SH3PXD2A: variants seen among roughly 807,000 people sequenced by gnomAD.
The protein encoded by SH3PXD2A is SH3 and PX domains 2A, also known as SH3 and PX domain-containing protein 2A.
Under a neutral mutation model 115.2 loss-of-function variants are expected in SH3PXD2A, and 32 were observed. The observed-to-expected ratio is 0.28, with a 90% CI of 0.21 to 0.37. The LOEUF is 0.37. SH3PXD2A is among the 10% of genes least tolerant of loss of function. The pLI, the probability that SH3PXD2A is intolerant of heterozygous loss-of-function variation, is 1.00. For synonymous variants in SH3PXD2A, 610 were observed against 629.1 expected (o/e 0.97, Z 0.45); for missense variants, 1,328 against 1,498.7 (o/e 0.89, Z 1.88).
intron 4 of SH3PXD2A, among the ~76,000 whole-genome samples, chr10:103,730,891 A>G (rs901432634): frequency 1.3e-5 from 2 of 152,178 alleles, no homozygotes; most frequent in Admixed American, 1.3e-4. Context: ...GGCAGGAGTG[A>G]TCAGCTTTTC....
chr10:103,849,331 A>G (rs1842876770), intron 1 of SH3PXD2A, among the ~76,000 whole-genome samples: 1 of 152,246 alleles, frequency 6.6e-6, no homozygotes, highest in Admixed American at 6.5e-5. Context: ...AAAAACACCT[A>G]CCTAACCGCA....
At chr10:103,672,121 C>T (rs1000975290) in intron 6 of SH3PXD2A, among the ~76,000 whole-genome samples, 2 of 152,178 alleles carry the variant, frequency 1.3e-5, no homozygotes, top group African/African-American at 4.8e-5. Context: ...TCCGTCTCTA[C>T]TGAAAATACA....
At chr10:103,795,829 C>T (rs1236502881) in intron 2 of SH3PXD2A, among the ~76,000 whole-genome samples, 1 of 147,786 alleles carries the variant, frequency 6.8e-6, no homozygotes, top group Non-Finnish European at 1.5e-5. Flanking sequence ...ATGTACAAGG[C>T]AGACACTTAA....
intron 5 of SH3PXD2A, among the ~76,000 whole-genome samples, chr10:103,716,560 A>G (rs2038107203): frequency 6.6e-6 from 1 of 152,228 alleles, no homozygotes; most frequent in Non-Finnish European, 1.5e-5. Context: ...AGCCGAAGGG[A>G]TAAGCCCAGG....
chr10:103,680,396 G>A (rs950747687), intron 6 of SH3PXD2A, among the ~76,000 whole-genome samples: 15 of 151,958 alleles, frequency 9.9e-5, no homozygotes, highest in Non-Finnish European at 1.8e-4. Context: ...ATCCTTCTTT[G>A]CCCTCCCGAG....
rs964358531 is a variant in SH3PXD2A at position 103,628,285 on chromosome 10, G to A, written c.605-1083C>T. Among the ~76,000 whole-genome samples the A allele has an allele frequency of 4.6e-5, 7 of 152,144 alleles. No homozygotes were observed. The East Asian group carries it at 5.8e-4, about 13-fold the overall frequency. ...CCAGGTCTTCAACTAGGTCCCCACC[G>A]CCCCACATGACAGGTCTGGGCTTGC... On this transcript the variant is annotated intron_variant, in intron 8 of 14. Transcript: ENST00000369774.
intron 13 of SH3PXD2A, among the ~76,000 whole-genome samples, chr10:103,606,432 TAAA>T (rs533450822): frequency 2.5e-4 from 2 of 8,152 alleles, no homozygotes; most frequent in East Asian, 4.3e-3. Flanking sequence ...AAGAATTTGC[TAAA>T]AAAAAAAAAA....
chr10:103,821,902 T>G (rs1227032676), intron 1 of SH3PXD2A, among the ~76,000 whole-genome samples: 1 of 80,426 alleles, frequency 1.2e-5, no homozygotes, highest in Non-Finnish European at 2.6e-5. Flanking sequence ...TCATCCTTCT[T>G]CTTTTTCTTT....
At chr10:103,819,704 G>A (rs551508790) in intron 1 of SH3PXD2A, among the ~76,000 whole-genome samples, 6 of 152,234 alleles carry the variant, frequency 3.9e-5, no homozygotes, top group African/African-American at 1.4e-4. Context: ...AGGGCTGAAG[G>A]AGGAATAGAT....
chr10:103,645,133 T>C (rs977316627), intron 8 of SH3PXD2A, among the ~76,000 whole-genome samples: 1 of 152,172 alleles, frequency 6.6e-6, no homozygotes, highest in African/African-American at 2.4e-5. Flanking sequence ...ACCTTAGGTT[T>C]GGGTTGGCCA....
intron 11 of SH3PXD2A, among the ~76,000 whole-genome samples, chr10:103,615,018 A>G (rs968354266): frequency 1.3e-5 from 2 of 152,140 alleles, no homozygotes; most frequent in African/African-American, 4.8e-5. Context: ...CCCTGATGCA[A>G]TGGGTGCAAA....
chr10:103,681,860 A>T (rs113646581), intron 6 of SH3PXD2A, among the ~76,000 whole-genome samples: 20 of 152,252 alleles, frequency 1.3e-4, no homozygotes, highest in African/African-American at 4.8e-4. Context: ...GGACTGCTTG[A>T]GGAGCTTGGG....
chr10:103,656,760 G>A (rs1316765119), intron 8 of SH3PXD2A, among the ~76,000 whole-genome samples: 1 of 150,494 alleles, frequency 6.6e-6, no homozygotes, highest in African/African-American at 2.4e-5. Flanking sequence ...CCCAGGAGGT[G>A]GAGGTTGCAG....
intron 1 of SH3PXD2A, among the ~76,000 whole-genome samples, chr10:103,844,957 T>G (rs1338654445): frequency 6.6e-6 from 1 of 152,132 alleles, no homozygotes; most frequent in African/African-American, 2.4e-5. Flanking sequence ...CCCAGATGTT[T>G]AGCCATTCTA....
intron 5 of SH3PXD2A, among the ~76,000 whole-genome samples, chr10:103,699,817 CCT>C (rs1327326500): frequency 6.6e-6 from 1 of 152,202 alleles, no homozygotes; most frequent in Non-Finnish European, 1.5e-5. Flanking sequence ...CTCCGCAGGG[CCT>C]GTGTTTTCCA....
chr10:103,649,196 C>T (rs1353551674), intron 8 of SH3PXD2A, among the ~76,000 whole-genome samples: 1 of 152,162 alleles, frequency 6.6e-6, no homozygotes, highest in Non-Finnish European at 1.5e-5. Context: ...TCTTGCCCAG[C>T]TTGGTAACAG....
chr10:103,660,832 C>G, intron 8 of SH3PXD2A, 151 bp downstream of exon 8: 1 of 820,248 alleles, frequency 1.2e-6, no homozygotes, highest in South Asian at 1.6e-5. Flanking sequence ...CCCAAACCAA[C>G]AGGGGGAAAC....
chr10:103,840,730 A>C (rs1341867408), intron 1 of SH3PXD2A, among the ~76,000 whole-genome samples: 2 of 152,228 alleles, frequency 1.3e-5, no homozygotes, highest in Non-Finnish European at 2.9e-5. Context: ...GTTCTCTCTG[A>C]GTAATGGAAG....
In SH3PXD2A at chr10:103,821,733, T is replaced by A. The variant is rs191226953; in HGVS notation, c.73-20371A>T. Among the ~76,000 whole-genome samples the A allele has an allele frequency of 1.0e-3, 152 of 152,150 alleles. No homozygotes were observed. The Middle Eastern group carries it at 0.017, about 17-fold the overall frequency. On this transcript the variant is annotated intron_variant, in intron 1 of 14. Transcript: ENST00000369774. ...GGGGCGCATCACCATGCTGGGTTAA[T>A]TTTTTGTATTTTTTGTAGAGATGGG...
Sources: gnomAD v4.1 joint callset for allele counts (sites outside exome capture counted in the v4.1 genomes callset) on GRCh38, gnomAD v4.1.1 for gene constraint, MANE v1.5 for transcripts, NCBI Gene and HGNC (gene_info 2026-07-23, HGNC 2026-07-21) for gene names.